The following PITPNM2 variants were observed in gnomAD, a reference collection of about 807,000 sequenced individuals.
The protein encoded by PITPNM2 is phosphatidylinositol transfer protein membrane associated 2, also known as membrane-associated phosphatidylinositol transfer protein 2.
PITPNM2 carries 35 observed loss-of-function variants against 132.2 expected under a neutral mutation model. The ratio of observed to expected loss-of-function variants is 0.26; its 90% CI spans 0.20 to 0.35. The LOEUF is 0.35. PITPNM2 is among the 10% of genes least tolerant of loss of function. The probability of loss-of-function intolerance (pLI) is 1.00; values close to 1 mark genes in which losing one functional copy is unlikely to be tolerated. For synonymous variants in PITPNM2, 738 were observed against 799.2 expected (o/e 0.92, Z 1.29); for missense variants, 1,332 against 1,912.0 (o/e 0.70, Z 5.66).
In PITPNM2 at chr12:123,150,913, C is replaced by T. The variant is rs1224964455; in HGVS notation, c.-360G>A. Among the ~76,000 whole-genome samples, 1 of 145,926 alleles carries T rather than the reference C, an allele frequency of 6.9e-6. No individual in the cohort carries two copies. Among genetic ancestry groups the T allele is most frequent in the South Asian group, 2.1e-4 (1 of 4,808 alleles). On this transcript the variant is annotated 5_prime_UTR_variant, in exon 1 of 26. Coordinates refer to ENST00000320201, the MANE Select transcript of PITPNM2 (RefSeq NM_020845.3). The surrounding 1 kb of genome is among the most constrained non-coding windows in gnomAD (Gnocchi z 6.0). ...GCTGGCCCCGGGCGAGCGGCAGAGC[C>T]CCGGCGGGCATTGCTCCCGAGCGTC...
chr12:123,033,501 C>T (rs534035211), intron 3 of PITPNM2, among the ~76,000 whole-genome samples: 66 of 152,324 alleles, frequency 4.3e-4, no homozygotes, highest in Non-Finnish European at 8.2e-4. Flanking sequence ...GAGTCTCTGG[C>T]TCGTCAAAGG....
chr12:123,143,555 G>A (rs2043550532), intron 1 of PITPNM2, among the ~76,000 whole-genome samples: 1 of 152,186 alleles, frequency 6.6e-6, no homozygotes, highest in African/African-American at 2.4e-5. Context: ...GCATAAGAAG[G>A]CCACAATTTG....
chr12:122,993,293 C>A lies in PITPNM2; in HGVS notation c.2234-624G>T, dbSNP rs948879520. ...CACCACCGAGTGCTGGCTAGGGCAG[C>A]CCTGCCCTGCCTGTATCGGAAAATG... On this transcript the variant is annotated intron_variant, in intron 15 of 25. Coordinates refer to ENST00000320201, the MANE Select transcript of PITPNM2 (RefSeq NM_020845.3). The surrounding 1 kb of genome is among the most constrained non-coding windows in gnomAD (Gnocchi z 5.2). 3.3e-5 allele frequency among the ~76,000 whole-genome samples: 5 copies of A among 152,180 alleles called. No individual in the cohort carries two copies. Among genetic ancestry groups the A allele is most frequent in the African/African-American group, 1.2e-4 (5 of 41,450 alleles).
chr12:123,001,815 G>A (rs1013652183), intron 8 of PITPNM2, among the ~76,000 whole-genome samples: 2 of 152,170 alleles, frequency 1.3e-5, no homozygotes, highest in African/African-American at 2.4e-5. Flanking sequence ...TGGACTGCTT[G>A]AGGTCAGGAG....
rs2137758222 is a variant in PITPNM2, at chr12:123,150,477, A to C, written c.-200+276T>G. ...TCCCCCACGCGGTCGCGACCGACGG[A>C]AATTCGGAAATCAGCGTTTCGGGCA... On this transcript the variant is annotated intron_variant, in intron 1 of 25. Transcript: ENST00000320201. This position sits in a 1 kb window ranked among gnomAD's most constrained non-coding sequence, Gnocchi z 6.0. Among the ~76,000 whole-genome samples the C allele has an allele frequency of 6.6e-6, 1 of 152,096 alleles. No individual in the cohort carries two copies. The highest frequency in any genetic ancestry group is 2.1e-4 in the South Asian group (1 of 4,824).
chr12:123,033,300 T>C (rs1372876888), intron 3 of PITPNM2, among the ~76,000 whole-genome samples: 1 of 152,152 alleles, frequency 6.6e-6, no homozygotes, highest in East Asian at 1.9e-4. Context: ...GGCTAGGCCA[T>C]GCCAGGCACT....
chr12:123,151,270 T>C (rs1262208963), upstream of PITPNM2, among the ~76,000 whole-genome samples: 1 of 149,196 alleles, frequency 6.7e-6, no homozygotes, highest in Admixed American at 6.6e-5. Context: ...TCCTCAGACC[T>C]GCCGCGGCGA....
intron 2 of PITPNM2, among the ~76,000 whole-genome samples, chr12:123,069,166 T>C (rs910690204): frequency 2.0e-5 from 3 of 150,938 alleles, no homozygotes; most frequent in Non-Finnish European, 4.4e-5. Context: ...GGCAGGAGGA[T>C]GACTTGAGCC....
At chr12:122,996,165 G>A (rs2038417678) in intron 13 of PITPNM2, among the ~76,000 whole-genome samples, 1 of 152,142 alleles carries the variant, frequency 6.6e-6, no homozygotes, top group South Asian at 2.1e-4. Flanking sequence ...TGACTCTTTG[G>A]CCAGAATGTG....
intron 2 of PITPNM2, chr12:123,084,579 C>T (rs901919421): frequency 1.3e-5 from 2 of 152,226 alleles, no homozygotes; most frequent in Non-Finnish European, 2.9e-5. Flanking sequence ...TCCGCTGCCC[C>T]CAGAGCATGG....
intron 10 of PITPNM2, 45 bp from the exon 11 acceptor site, chr12:122,997,617 T>C (rs1292736797): frequency 4.4e-6 from 7 of 1,584,514 alleles, no homozygotes; most frequent in Non-Finnish European, 6.0e-6. Context: ...GGAACCCAGC[T>C]CCTTGCTGAG....
rs560124910 is a variant in PITPNM2, at chr12:123,068,703, C to G, written c.-95-34018G>C. Among the ~76,000 whole-genome samples, 6 of 152,234 alleles carry G rather than the reference C, an allele frequency of 3.9e-5. No homozygotes were observed. In the South Asian group the frequency reaches 1.2e-3, roughly 32 times the overall value. ...GGGGAGCTGAGGGAGTTGGCCAAGA[C>G]TTTTGGAAGCTTTAGGACTATGACC... On this transcript the variant is annotated intron_variant, in intron 2 of 25. Coordinates refer to ENST00000320201, the MANE Select transcript of PITPNM2 (RefSeq NM_020845.3).
chr12:123,038,960 A>G (rs2040368633), intron 2 of PITPNM2, among the ~76,000 whole-genome samples: 1 of 152,100 alleles, frequency 6.6e-6, no homozygotes, highest in East Asian at 1.9e-4. Context: ...CTTAAAAAAA[A>G]TTAGCTGGGC....
At chr12:123,066,450 T>C (rs1052054590) in intron 2 of PITPNM2, among the ~76,000 whole-genome samples, 1 of 152,112 alleles carries the variant, frequency 6.6e-6, no homozygotes, top group Non-Finnish European at 1.5e-5. Flanking sequence ...GGTCTGGCTA[T>C]GTATGCCACC....
At chr12:123,076,539 G>T (rs2041796459) in intron 2 of PITPNM2, among the ~76,000 whole-genome samples, 2 of 152,176 alleles carry the variant, frequency 1.3e-5, no homozygotes, top group Admixed American at 6.5e-5. Context: ...ATCCAATCAG[G>T]TGCTCATGAG....
In PITPNM2 at chr12:123,078,575, T is replaced by A. The variant is rs2041862705; in HGVS notation, c.-96+31810A>T. Among the ~76,000 whole-genome samples, 1 of 152,148 alleles carries A rather than the reference T, an allele frequency of 6.6e-6. No individual in the cohort carries two copies. The highest frequency in any genetic ancestry group is 1.5e-5 in the Non-Finnish European group (1 of 68,016). On this transcript the variant is annotated intron_variant, in intron 2 of 25. Transcript: ENST00000320201. This position sits in a 1 kb window ranked among gnomAD's most constrained non-coding sequence, Gnocchi z 7.3. ...GTTGTGGATTTCCACCTGCCCGGCC[T>A]CCCTGTTTCTAAAAATCTGTTGCCA...
Position 123,137,016 on chromosome 12 carries a change from T to C in PITPNM2, c.-200+13737A>G, listed in dbSNP as rs554139417. 5.9e-5 allele frequency among the ~76,000 whole-genome samples: 9 copies of C among 152,360 alleles called. No homozygotes were observed. The South Asian group carries it at 1.9e-3, about 32-fold the overall frequency. On this transcript the variant is annotated intron_variant, in intron 1 of 25. Transcript: ENST00000320201. ...CCTGATAATGGATTTCCTAAGTCAC[T>C]TGCTCATGGAGCACTTCCACATCGA...
At chr12:123,148,846 G>A (rs541256581) in intron 1 of PITPNM2, among the ~76,000 whole-genome samples, 5 of 152,232 alleles carry the variant, frequency 3.3e-5, no homozygotes, top group South Asian at 2.1e-4. Flanking sequence ...AGGGTGGTTC[G>A]AAAATCAGAA....
rs535628146 is a variant in PITPNM2, at chr12:123,000,868, G to A, written c.1154-20C>T. ...GACCATCTGCAAAGACACAGAAGCC[G>A]TGCTGTGAGCTGAGGGGCAGCCCAA... On this transcript the variant is annotated intron_variant, in intron 9 of 25. Transcript: ENST00000320201. This position sits in a 1 kb window ranked among gnomAD's most constrained non-coding sequence, Gnocchi z 5.4. 29 of 1,613,834 alleles carry A rather than the reference G, an allele frequency of 1.8e-5. No homozygotes were observed. In the South Asian group the frequency reaches 2.4e-4, roughly 13 times the overall value.
Sources: allele counts gnomAD v4.1 joint callset (sites outside exome capture counted in the v4.1 genomes callset), GRCh38; gene constraint gnomAD v4.1.1; non-coding constraint Gnocchi (gnomAD v3.1); transcripts MANE v1.5; gene names NCBI Gene and HGNC (gene_info 2026-07-23, HGNC 2026-07-21).